MACROD2: variants seen among roughly 807,000 people sequenced by gnomAD.
The protein encoded by MACROD2 is ADP-ribose glycohydrolase MACROD2.
Under a neutral mutation model 70.4 loss-of-function variants are expected in MACROD2, and 36 were observed. The ratio of observed to expected loss-of-function variants is 0.51; its 90% CI spans 0.39 to 0.68. The LOEUF (loss-of-function observed/expected upper bound fraction) is 0.68. MACROD2 is among the 30% of genes least tolerant of loss of function. The probability of loss-of-function intolerance (pLI) is 0.00; values close to 1 mark genes in which losing one functional copy is unlikely to be tolerated. For missense variants in MACROD2, 496 were observed against 538.4 expected, an observed-to-expected ratio of 0.92 and a Z score of 0.78; for synonymous variants, 172 against 178.8, an observed-to-expected ratio of 0.96 and a Z score of 0.30.
At chr20:15,116,575 G>A (rs181446709) in intron 5 of MACROD2, among the ~76,000 whole-genome samples, 2 of 152,302 alleles carry the variant, frequency 1.3e-5, no homozygotes, top group East Asian at 3.9e-4. Flanking sequence ...AACCTGGGAG[G>A]CGGAGGTTGC....
At chr20:14,663,811 A>T (rs188073972) in intron 4 of MACROD2, among the ~76,000 whole-genome samples, 1 of 152,086 alleles carries the variant, frequency 6.6e-6, no homozygotes, top group Non-Finnish European at 1.5e-5. Flanking sequence ...TTAGCTTTAC[A>T]GTTAAACTAT....
Position 14,777,450 on chromosome 20 carries a change from A to G in MACROD2, c.418+92491A>G, listed in dbSNP as rs141793135. Among the ~76,000 whole-genome samples, 136 of 152,112 alleles carry G rather than the reference A, an allele frequency of 8.9e-4. 1 individual carries two copies. The Middle Eastern group carries it at 0.017, about 19-fold the overall frequency. On this transcript the variant is annotated intron_variant, in intron 5 of 17. Transcript: ENST00000684519. Reference sequence around the variant, plus strand: ...TGTATGTGTTAGAGGCTGGAAAGCTATCAGAACCATGTACCTCTGCTGCTG... The same window carrying G: ...TGTATGTGTTAGAGGCTGGAAAGCTGTCAGAACCATGTACCTCTGCTGCTG...
At chr20:14,858,278 C>A (rs1254482848) in intron 5 of MACROD2, among the ~76,000 whole-genome samples, 1 of 151,980 alleles carries the variant, frequency 6.6e-6, no homozygotes, top group Non-Finnish European at 1.5e-5. Context: ...TGTGGTTAAC[C>A]CGATGCAGGA....
chr20:14,474,302 G>T (rs1177662738), intron 3 of MACROD2, among the ~76,000 whole-genome samples: 1 of 151,952 alleles, frequency 6.6e-6, no homozygotes, highest in Non-Finnish European at 1.5e-5. Flanking sequence ...TCATAGTTTT[G>T]GATCTTACAT....
chr20:14,005,541 G>GT (rs1378278097), intron 2 of MACROD2, among the ~76,000 whole-genome samples: 1 of 151,816 alleles, frequency 6.6e-6, no homozygotes, highest in Non-Finnish European at 1.5e-5. Flanking sequence ...GGGCTTAATC[G>GT]TAAGTTAAAT....
At chr20:14,565,287 A>C (rs1979716158) in intron 4 of MACROD2, among the ~76,000 whole-genome samples, 1 of 151,832 alleles carries the variant, frequency 6.6e-6, no homozygotes, top group Non-Finnish European at 1.5e-5. Context: ...CCCAGGCTTT[A>C]CCACTACACC....
intron 5 of MACROD2, among the ~76,000 whole-genome samples, chr20:15,114,941 C>A (rs1031905969): frequency 2.0e-5 from 3 of 152,116 alleles, no homozygotes; most frequent in Non-Finnish European, 4.4e-5. Context: ...GAAAAAGAGG[C>A]TGTATGTGTT....
intron 2 of MACROD2, among the ~76,000 whole-genome samples, chr20:14,080,225 C>T (rs760914512): frequency 2.6e-5 from 4 of 151,870 alleles, no homozygotes; most frequent in Admixed American, 6.6e-5. Flanking sequence ...GGGTGGATCA[C>T]GAGGTCAGAA....
At chr20:14,219,022 C>T (rs1315071416) in intron 3 of MACROD2, among the ~76,000 whole-genome samples, 1 of 152,172 alleles carries the variant, frequency 6.6e-6, no homozygotes, top group African/African-American at 2.4e-5. Context: ...AGGCAAAGAT[C>T]TTTTTGTGAT....
chr20:15,431,466 ATTTC>A, intron 7 of MACROD2, 31 bp downstream of exon 7: 2 of 1,597,512 alleles, frequency 1.3e-6, no homozygotes, highest in Non-Finnish European at 1.7e-6. Context: ...TGATGTTTGT[ATTTC>A]TTTATTTTGC....
At chr20:15,173,750 A>G (rs541858262) in intron 5 of MACROD2, among the ~76,000 whole-genome samples, 76 of 152,292 alleles carry the variant, frequency 5.0e-4, no homozygotes, top group African/African-American at 1.7e-3. Context: ...AATTTTTAGC[A>G]TGGTGATATC....
At chr20:14,731,036 C>T (rs1032847560) in intron 5 of MACROD2, among the ~76,000 whole-genome samples, 1 of 151,792 alleles carries the variant, frequency 6.6e-6, no homozygotes, top group East Asian at 1.9e-4. Context: ...CAAACACATA[C>T]ATTAATTTTG....
intron 5 of MACROD2, among the ~76,000 whole-genome samples, chr20:14,836,064 A>T (rs535805185): frequency 6.6e-6 from 1 of 152,200 alleles, no homozygotes; most frequent in Non-Finnish European, 1.5e-5. Context: ...AGAGTAGATT[A>T]TTTGTAGGTA....
chr20:15,688,531 T>C (rs1478268817), intron 8 of MACROD2, among the ~76,000 whole-genome samples: 4 of 152,236 alleles, frequency 2.6e-5, no homozygotes, highest in Non-Finnish European at 5.9e-5. Flanking sequence ...GTTCAGAATG[T>C]AGATTCCCAG....
chr20:15,857,323 C>T (rs566775229), intron 8 of MACROD2, among the ~76,000 whole-genome samples: 51 of 152,230 alleles, frequency 3.4e-4, no homozygotes, highest in African/African-American at 1.0e-3. Flanking sequence ...GCATGCAAAG[C>T]GGGAGAGAAC....
At chr20:15,576,713 G>A (rs1021268058) in intron 8 of MACROD2, among the ~76,000 whole-genome samples, 3 of 152,122 alleles carry the variant, frequency 2.0e-5, no homozygotes, top group Non-Finnish European at 4.4e-5. Context: ...GCAGCTGGCA[G>A]ATGGGCTCTG....
At chr20:14,111,177 A>G (rs550943520) in intron 3 of MACROD2, among the ~76,000 whole-genome samples, 4 of 152,240 alleles carry the variant, frequency 2.6e-5, no homozygotes, top group Admixed American at 2.6e-4. Context: ...CATATGCAGA[A>G]GAATGAAACT....
At position 14,493,461 on chromosome 20, in the gene MACROD2, G is replaced by A. The variant is rs760553152; in HGVS notation, c.272-18G>A. On this transcript the variant is annotated intron_variant, in intron 3 of 17. Transcript: ENST00000684519. ...TACATATTATTTAATGTCTTTTGTT[G>A]TGTTTTGTTTTAAACAGCAAATGCC... 11 of 1,601,426 alleles carry A rather than the reference G, an allele frequency of 6.9e-6. 1 individual carries two copies. The South Asian group carries it at 1.2e-4, about 18-fold the overall frequency.
intron 6 of MACROD2, among the ~76,000 whole-genome samples, chr20:15,332,792 T>G (rs1263144679): frequency 2.0e-5 from 3 of 151,582 alleles, no homozygotes; most frequent in Admixed American, 6.6e-5. Flanking sequence ...TGAATATGAG[T>G]GTCCTTTTCT....
Sources: allele counts gnomAD v4.1 joint callset (sites outside exome capture counted in the v4.1 genomes callset), GRCh38; gene constraint gnomAD v4.1.1; transcripts MANE v1.5; gene names NCBI Gene and HGNC (gene_info 2026-07-23, HGNC 2026-07-21).